The following BCAS3 variants were observed in gnomAD, a reference collection of about 807,000 sequenced individuals.
The protein encoded by BCAS3 is BCAS4/BCAS3 fusion.
Under a neutral mutation model 116.1 loss-of-function variants are expected in BCAS3, and 53 were observed. The observed-to-expected ratio is 0.46, with a 90% confidence interval of 0.37 to 0.57. BCAS3 has a LOEUF of 0.57. Among genes scored for constraint, BCAS3 ranks in the 20% least tolerant of loss-of-function variants. BCAS3 has a pLI of 0.00. For missense variants in BCAS3, 917 were observed against 1,165.4 expected (o/e 0.79, Z 3.10); for synonymous variants, 391 against 408.2 (o/e 0.96, Z 0.51).
At chr17:60,900,139 A>G (rs888731347) in intron 10 of BCAS3, 4 of 151,484 alleles carry the variant, frequency 2.6e-5, no homozygotes, top group African/African-American at 7.3e-5. Context: ...GATTGCACCT[A>G]TGAATATTGC....
chr17:60,822,264 A>T (rs763740006), intron 7 of BCAS3, among the ~76,000 whole-genome samples: 9 of 152,128 alleles, frequency 5.9e-5, no homozygotes, highest in Non-Finnish European at 1.2e-4. Context: ...AGTCTATTTT[A>T]TTAAGTCTTT....
intron 14 of BCAS3, among the ~76,000 whole-genome samples, chr17:60,955,386 A>ATTTTTTTTTTTTTTTTTTTTTTTTTTTT (rs1016334366): frequency 2.3e-5 from 3 of 128,088 alleles, no homozygotes; most frequent in African/African-American, 1.1e-4. Context: ...GGGAAACTGA[A>ATTTTTTTTTTTTTTTTTTTTTTTTTTTT]TTTTTTTTTT....
chr17:61,380,418 A>G lies in BCAS3; in HGVS notation c.2594-11559A>G. 1 of 1,268,606 alleles carries G rather than the reference A, an allele frequency of 7.9e-7. No homozygotes were observed. The highest frequency in any genetic ancestry group is 1.3e-5 in the South Asian group (1 of 79,256). The allele number at this position is 1,268,606 out of a possible 1,614,324, so 78.6% of individuals were successfully genotyped here. On this transcript the variant is annotated intron_variant, in intron 23 of 23. Transcript: ENST00000407086. This position sits in a 1 kb window ranked among gnomAD's most constrained non-coding sequence, Gnocchi z 4.2. ...CTCAGTGGTCAAACCAGATTTGGGT[A>G]TCGACTCACTTTGATCTCAGCTCTT...
chr17:60,918,443 A>G (rs796994799), intron 12 of BCAS3, among the ~76,000 whole-genome samples: 6 of 152,264 alleles, frequency 3.9e-5, no homozygotes, highest in Middle Eastern at 3.4e-3. Flanking sequence ...TGTGTAGAGA[A>G]CATTTTAAGT....
chr17:61,360,635 C>A lies in BCAS3; in HGVS notation c.2426-7692C>A, dbSNP rs1471590671. Among the ~76,000 whole-genome samples the A allele has an allele frequency of 2.0e-5, 3 of 152,244 alleles. No individual in the cohort carries two copies. In the East Asian group the frequency reaches 5.8e-4, roughly 29 times the overall value. ...GCTTCTTCCTTCTGTGTCTCTGATC[C>A]CCTCTTTTCTCTTTTAAGGACACCA... On this transcript the variant is annotated intron_variant, in intron 22 of 23. Coordinates refer to ENST00000407086, the MANE Select transcript of BCAS3 (RefSeq NM_017679.5).
rs982813604 is a variant in BCAS3 at position 61,313,062 on chromosome 17, C to T, written c.2426-55265C>T. Among the ~76,000 whole-genome samples the T allele has an allele frequency of 2.6e-5, 4 of 152,184 alleles. No homozygotes were observed. Among genetic ancestry groups the T allele is most frequent in the South Asian group, 4.1e-4 (2 of 4,824 alleles). On this transcript the variant is annotated intron_variant, in intron 22 of 23. Coordinates refer to ENST00000407086, the MANE Select transcript of BCAS3 (RefSeq NM_017679.5). This position sits in a 1 kb window ranked among gnomAD's most constrained non-coding sequence, Gnocchi z 4.3. Reference sequence around the variant, plus strand: ...TCACCTCGTTGATCGCCTCAAAATCCCGTGAGGTTTTTAATCACTGACTCA... The same window carrying T: ...TCACCTCGTTGATCGCCTCAAAATCTCGTGAGGTTTTTAATCACTGACTCA...
rs1000796932 is a variant in BCAS3 at position 61,323,913 on chromosome 17, G to A, written c.2426-44414G>A. Reference sequence around the variant, plus strand: ...TTTCCCAGACGCTTCTTCCCTTCTTGTTTGCACATTCTTCCTGGAGGAAAA... The same window carrying A: ...TTTCCCAGACGCTTCTTCCCTTCTTATTTGCACATTCTTCCTGGAGGAAAA... On this transcript the variant is annotated intron_variant, in intron 22 of 23. Transcript: ENST00000407086. The surrounding 1 kb of genome is among the most constrained non-coding windows in gnomAD (Gnocchi z 4.6). Among the ~76,000 whole-genome samples, 2 of 152,228 alleles carry A rather than the reference G, an allele frequency of 1.3e-5. No homozygotes were observed. The highest frequency in any genetic ancestry group is 2.9e-5 in the Non-Finnish European group (2 of 68,042).
rs1248015828 is a variant in BCAS3 at position 61,106,794 on chromosome 17, T to C, written c.2425+22230T>C. Among the ~76,000 whole-genome samples the C allele has an allele frequency of 6.6e-6, 1 of 152,252 alleles. No individual in the cohort carries two copies. Among genetic ancestry groups the C allele is most frequent in the African/African-American group, 2.4e-5 (1 of 41,468 alleles). On this transcript the variant is annotated intron_variant, in intron 22 of 23. Transcript: ENST00000407086. The surrounding 1 kb of genome is among the most constrained non-coding windows in gnomAD (Gnocchi z 4.2). ...TGGATCATTTATTTGTCTGATTTTC[T>C]ATCATTAAACTTTGAGATCGTTTAG...
rs145818974 is a variant in BCAS3, at chr17:61,144,076, T to C, written c.2425+59512T>C. Among the ~76,000 whole-genome samples, 39 of 152,348 alleles carry C rather than the reference T, an allele frequency of 2.6e-4. No homozygotes were observed. The East Asian group carries it at 7.5e-3, about 29-fold the overall frequency. ...CTATAAGTGTTCTGAAAATAAGTTA[T>C]AAGTTTTTGTTCATTTCATAGGAGG... On this transcript the variant is annotated intron_variant, in intron 22 of 23. Coordinates refer to ENST00000407086, the MANE Select transcript of BCAS3 (RefSeq NM_017679.5). The surrounding 1 kb of genome is among the most constrained non-coding windows in gnomAD (Gnocchi z 5.0).
chr17:60,767,202 C>T (rs144881434), intron 6 of BCAS3, among the ~76,000 whole-genome samples: 1,526 of 152,206 alleles, frequency 0.01, 28 homozygotes, highest in African/African-American at 0.034. Flanking sequence ...TGGGCTGCAC[C>T]CACTGTCTGA....
At chr17:60,858,572 C>T (rs2053878249) in intron 7 of BCAS3, among the ~76,000 whole-genome samples, 1 of 152,104 alleles carries the variant, frequency 6.6e-6, no homozygotes, top group South Asian at 2.1e-4. Flanking sequence ...TATTGATGGA[C>T]ATTTAATTGT....
intron 22 of BCAS3, among the ~76,000 whole-genome samples, chr17:61,297,794 T>C (rs2053065343): frequency 6.6e-6 from 1 of 152,246 alleles, no homozygotes; most frequent in South Asian, 2.1e-4. Flanking sequence ...CTAACAGCTA[T>C]GCTCTCAACG....
chr17:61,221,734 A>C (rs1051213458), intron 22 of BCAS3, among the ~76,000 whole-genome samples: 1 of 152,174 alleles, frequency 6.6e-6, no homozygotes, highest in Non-Finnish European at 1.5e-5. Flanking sequence ...CAAGGCACCA[A>C]AAAAAGAAAC....
At chr17:60,797,424 A>T (rs2047312175) in intron 6 of BCAS3, among the ~76,000 whole-genome samples, 1 of 151,808 alleles carries the variant, frequency 6.6e-6, no homozygotes. Flanking sequence ...CATGTTGTCC[A>T]GGCTGGCCTT....
rs1256414226 is a variant in BCAS3, at chr17:61,388,644, T to C, written c.2594-3333T>C. ...GAAAAAAAAAGGAAAAAAAAAACAATGCCAACAGCCCAGCGTCCGTGAGCA... is the reference window on the plus strand; with the variant it reads ...GAAAAAAAAAGGAAAAAAAAAACAACGCCAACAGCCCAGCGTCCGTGAGCA... On this transcript the variant is annotated intron_variant, in intron 23 of 23. Coordinates refer to ENST00000407086, the MANE Select transcript of BCAS3 (RefSeq NM_017679.5). This position sits in a 1 kb window ranked among gnomAD's most constrained non-coding sequence, Gnocchi z 6.5. 6.5e-7 allele frequency: 1 copy of C among 1,531,480 alleles called. No individual in the cohort carries two copies. The highest frequency in any genetic ancestry group is 1.4e-5 in the African/African-American group (1 of 71,950). The allele number at this position is 1,531,480 out of a possible 1,614,324, so 94.9% of individuals were successfully genotyped here.
At position 61,208,800 on chromosome 17, in the gene BCAS3, T is replaced by C. The variant is rs1013754521; in HGVS notation, c.2425+124236T>C. ...AGCCCTTGTCAGCTCGCTGGTGCTC[T>C]CTGCAAACTTGCAGTGCAAGTCTAT... On this transcript the variant is annotated intron_variant, in intron 22 of 23. Coordinates refer to ENST00000407086, the MANE Select transcript of BCAS3 (RefSeq NM_017679.5). The surrounding 1 kb of genome is among the most constrained non-coding windows in gnomAD (Gnocchi z 4.5). 1.3e-5 allele frequency among the ~76,000 whole-genome samples: 2 copies of C among 151,868 alleles called. No homozygotes were observed. Among genetic ancestry groups the C allele is most frequent in the Non-Finnish European group, 2.9e-5 (2 of 68,004 alleles).
intron 7 of BCAS3, among the ~76,000 whole-genome samples, chr17:60,835,720 G>A (rs1013137869): frequency 6.6e-6 from 1 of 152,088 alleles, no homozygotes; most frequent in Admixed American, 6.6e-5. Flanking sequence ...TTATTGGAAA[G>A]GTTAAATGAA....
intron 22 of BCAS3, among the ~76,000 whole-genome samples, chr17:61,328,160 A>G (rs1009971460): frequency 7.3e-6 from 1 of 136,258 alleles, no homozygotes; most frequent in Non-Finnish European, 1.5e-5. Context: ...CTATAGCTTT[A>G]AAAAAAAAAC....
chr17:60,855,452 A>ATTTTTTTTT (rs565603643), intron 7 of BCAS3, among the ~76,000 whole-genome samples: 2 of 125,754 alleles, frequency 1.6e-5, no homozygotes, highest in African/African-American at 6.2e-5. Flanking sequence ...CTATTTTTAA[A>ATTTTTTTTT]TTTTTTTTTT....
Sources: gnomAD v4.1 joint callset for allele counts (sites outside exome capture counted in the v4.1 genomes callset) on GRCh38, gnomAD v4.1.1 for gene constraint, Gnocchi (gnomAD v3.1) non-coding constraint, MANE v1.5 for transcripts, NCBI Gene and HGNC (gene_info 2026-07-23, HGNC 2026-07-21) for gene names.